Variants in PCDHA8 observed in about 807,000 individuals in gnomAD.
The protein encoded by PCDHA8 is protocadherin alpha-8.
PCDHA8 carries 53 observed loss-of-function variants against 61.8 expected under a neutral mutation model. That is an observed-to-expected ratio of 0.86 (90% confidence interval 0.69 to 1.08). The LOEUF (loss-of-function observed/expected upper bound fraction) is 1.08, where lower values mean the gene tolerates loss of function less well. PCDHA8 is among the 50% of genes least tolerant of loss of function. The probability of loss-of-function intolerance (pLI) is 0.00; values close to 1 mark genes in which losing one functional copy is unlikely to be tolerated. For missense variants in PCDHA8, 1,293 were observed against 1,245.0 expected (o/e 1.04, Z -0.58); for synonymous variants, 618 against 556.6 (o/e 1.11, Z -1.55).
chr5:140,860,192 C>CATATATATATATAT (rs143984774), intron 1 of PCDHA8: 1 of 146,860 alleles, frequency 6.8e-6, no homozygotes, highest in African/African-American at 2.5e-5. Context: ...GCTCTCCTTA[C>CATATATATATATAT]ATATATATCT....
chr5:140,919,115 T>G (rs2079009343), intron 1 of PCDHA8, among the ~76,000 whole-genome samples: 1 of 152,228 alleles, frequency 6.6e-6, no homozygotes, highest in Non-Finnish European at 1.5e-5. Context: ...TTCTGCCAGT[T>G]TTTGCTTCAT....
rs2153592349 is a variant in PCDHA8 at position 140,927,874 on chromosome 5, G to A, written c.2395-51075G>A. 1.9e-6 allele frequency: 3 copies of A among 1,614,102 alleles called. No individual in the cohort carries two copies. The East Asian group carries it at 6.7e-5, about 36-fold the overall frequency. Reference sequence around the variant, plus strand: ...TTTAGCTAGCACCGCTAAACTGCTGGTGGAGGTGACTGACGTGAACGATCA... The same window carrying A: ...TTTAGCTAGCACCGCTAAACTGCTGATGGAGGTGACTGACGTGAACGATCA... On this transcript the variant is annotated intron_variant, in intron 1 of 3. Coordinates refer to ENST00000531613, the MANE Select transcript of PCDHA8 (RefSeq NM_018911.3).
intron 1 of PCDHA8, among the ~76,000 whole-genome samples, chr5:140,889,199 T>C (rs1399579598): frequency 1.3e-5 from 2 of 151,896 alleles, no homozygotes; most frequent in African/African-American, 4.8e-5. Context: ...ATAACTTGAA[T>C]ACTTAACAAA....
rs2150449498 is a variant in PCDHA8 at position 140,849,775 on chromosome 5, C to A, written c.2394+6060C>A. 6.3e-7 allele frequency: 1 copy of A among 1,598,434 alleles called. No homozygotes were observed. The highest frequency in any genetic ancestry group is 8.6e-7 in the Non-Finnish European group (1 of 1,167,964). Reference sequence around the variant, plus strand: ...TCCGCCTACGAGCTGGTGGTTACCGCGCGGGACGGGGGCTCGCCTTCACTG... The same window carrying A: ...TCCGCCTACGAGCTGGTGGTTACCGAGCGGGACGGGGGCTCGCCTTCACTG... On this transcript the variant is annotated intron_variant, in intron 1 of 3. Transcript: ENST00000531613.
In PCDHA8 at chr5:140,850,682, G is replaced by C. The variant is rs2150493727; in HGVS notation, c.2394+6967G>C. On this transcript the variant is annotated intron_variant, in intron 1 of 3. Coordinates refer to ENST00000531613, the MANE Select transcript of PCDHA8 (RefSeq NM_018911.3). The stretch of plus-strand genomic sequence containing the variant: ...TGCGGTGCTCGGCGATGCCCACCGA[G>C]GGCGAGTGCGCGCCTGGCAAGCCGA... The C allele has an allele frequency of 3.1e-5, 50 of 1,598,558 alleles. 3 individuals carry two copies. In the East Asian group the frequency reaches 1.1e-3, roughly 35 times the overall value.
intron 1 of PCDHA8, chr5:140,877,777 C>T: frequency 6.2e-7 from 1 of 1,614,172 alleles, no homozygotes; most frequent in South Asian, 1.1e-5. Context: ...CAAGACGGAC[C>T]TCATGGCCTT....
Position 140,842,870 on chromosome 5 carries a change from G to A in PCDHA8, c.1549G>A (p.Val517Met). The A allele has an allele frequency of 6.3e-7, 1 of 1,594,050 alleles. No individual in the cohort carries two copies. The highest frequency in any genetic ancestry group is 8.6e-7 in the Non-Finnish European group (1 of 1,165,414). The part of the protein sequence containing the change: ...YISVHTESGK[V>M]YALQPLDHEE... ...TTCGGTGCACACGGAGAGCGGCAAG[G>A]TGTACGCGCTGCAGCCGCTGGACCA... Residue 517 changes from valine to methionine, a missense_variant, in exon 1 of 4, where the codon GTG (valine) becomes ATG (methionine). Val to Met is a conservative substitution (Grantham distance 21). Transcript: ENST00000531613.
intron 1 of PCDHA8, among the ~76,000 whole-genome samples, chr5:140,963,640 CT>C (rs1426012343): frequency 6.6e-6 from 1 of 152,164 alleles, no homozygotes; most frequent in African/African-American, 2.4e-5. Flanking sequence ...CGCATCTTCC[CT>C]ATCATGGTTG....
intron 1 of PCDHA8, among the ~76,000 whole-genome samples, chr5:140,893,139 C>G (rs2063839594): frequency 6.6e-6 from 1 of 152,186 alleles, no homozygotes; most frequent in East Asian, 1.9e-4. Context: ...TCTTTATCCA[C>G]TCATCTGTTG....
rs782564165 is a variant in PCDHA8, at chr5:141,010,450, G to A, written c.*513G>A. ...AAGAAAACAAAGACAAATAAACAGC[G>A]GAAGTTATCAGTATGGAGGGGAAGT... On this transcript the variant is annotated 3_prime_UTR_variant, in exon 4 of 4. Transcript: ENST00000531613. The A allele has an allele frequency of 6.5e-6, 6 of 920,764 alleles. No individual in the cohort carries two copies. The East Asian group carries it at 8.2e-5, about 13-fold the overall frequency. 57.0% of individuals were successfully genotyped at this position (920,764 alleles called of 1,614,324 possible).
intron 3 of PCDHA8, among the ~76,000 whole-genome samples, chr5:140,999,423 C>G (rs1159862736): frequency 6.6e-6 from 1 of 152,100 alleles, no homozygotes; most frequent in Non-Finnish European, 1.5e-5. Context: ...AGCTAAGAGG[C>G]CAAGTACCTT....
chr5:141,004,094 G>A (rs962663466), intron 3 of PCDHA8, among the ~76,000 whole-genome samples: 1 of 152,194 alleles, frequency 6.6e-6, no homozygotes, highest in Non-Finnish European at 1.5e-5. Context: ...TGCTTCTTCC[G>A]TTTTCATCTT....
rs1486242200 is a variant in PCDHA8, at chr5:140,900,929, A to G, written c.2394+57214A>G. ...CTGTGGTAAGATGATATCTCATTGT[A>G]GTTTTGATTTGCATTTCTCTGATTA... On this transcript the variant is annotated intron_variant, in intron 1 of 3. Coordinates refer to ENST00000531613, the MANE Select transcript of PCDHA8 (RefSeq NM_018911.3). Among the ~76,000 whole-genome samples, 8 of 152,104 alleles carry G rather than the reference A, an allele frequency of 5.3e-5. No individual in the cohort carries two copies. The East Asian group carries it at 1.5e-3, about 29-fold the overall frequency.
At chr5:140,908,846 T>A (rs2074185614) in intron 1 of PCDHA8, among the ~76,000 whole-genome samples, 1 of 152,294 alleles carries the variant, frequency 6.6e-6, no homozygotes, top group East Asian at 1.9e-4. Flanking sequence ...TGGAGTAACA[T>A]ACCCAAATGA....
At chr5:140,876,437 C>T (rs1554168557) in intron 1 of PCDHA8, 1 of 1,613,906 alleles carries the variant, frequency 6.2e-7, no homozygotes, top group Non-Finnish European at 8.5e-7. Context: ...CAGGTTAACG[C>T]CATTGATAAA....
At chr5:140,989,657 A>G (rs1045043697) in intron 3 of PCDHA8, among the ~76,000 whole-genome samples, 7 of 152,228 alleles carry the variant, frequency 4.6e-5, no homozygotes, top group African/African-American at 1.7e-4. Flanking sequence ...CAATATTTTA[A>G]AAGAAACTCT....
At position 140,850,724 on chromosome 5, in the gene PCDHA8, C is replaced by A. The variant is rs2150495935; in HGVS notation, c.2394+7009C>A. On this transcript the variant is annotated intron_variant, in intron 1 of 3. Coordinates refer to ENST00000531613, the MANE Select transcript of PCDHA8 (RefSeq NM_018911.3). ...GCAAGCCGACGCTGGTGTGTTCTAG[C>A]GCGGTGGGGAGTTGGTCGTACTCGC... The A allele has an allele frequency of 5.0e-6, 8 of 1,597,668 alleles. No individual in the cohort carries two copies. In the East Asian group the frequency reaches 1.1e-4, roughly 22 times the overall value.
intron 1 of PCDHA8, among the ~76,000 whole-genome samples, chr5:140,962,009 G>C (rs545144318): frequency 1.3e-4 from 19 of 151,596 alleles, no homozygotes; most frequent in African/African-American, 3.6e-4. Flanking sequence ...TCAGCTTCCC[G>C]AGTAGCTGGG....
At chr5:140,900,512 G>T (rs1191935182) in intron 1 of PCDHA8, among the ~76,000 whole-genome samples, 4 of 152,300 alleles carry the variant, frequency 2.6e-5, no homozygotes, top group Middle Eastern at 3.4e-3. Context: ...CCCAGCCTCA[G>T]GTGATCTGCC....
Sources: gnomAD v4.1 joint callset for allele counts (sites outside exome capture counted in the v4.1 genomes callset) on GRCh38, gnomAD v4.1.1 for gene constraint, MANE v1.5 for transcripts, NCBI Gene and HGNC (gene_info 2026-07-23, HGNC 2026-07-21) for gene names.